Variants in SNX31 observed in about 807,000 individuals in gnomAD.
SNX31 encodes the protein sorting nexin 31, also known as sorting nexin-31.
Under a neutral mutation model 65.4 loss-of-function variants are expected in SNX31, and 58 were observed. That is an observed-to-expected ratio of 0.89 (90% CI 0.72 to 1.10). The LOEUF is 1.10. SNX31 is among the 50% of genes least tolerant of loss of function. The pLI is 0.00. For synonymous variants in SNX31, 181 were observed against 190.1 expected, an observed-to-expected ratio of 0.95 and a Z score of 0.39; for missense variants, 523 against 529.7, an observed-to-expected ratio of 0.99 and a Z score of 0.12.
In SNX31 at chr8:100,573,457, T is replaced by C. The variant is rs1177843798; in HGVS notation, c.*408A>G. 1 of 153,066 alleles carries C rather than the reference T, an allele frequency of 6.5e-6. No individual in the cohort carries two copies. The highest frequency in any genetic ancestry group is 1.5e-5 in the Non-Finnish European group (1 of 68,686). The allele number at this position is 153,066 out of a possible 1,614,324, so 9.5% of individuals were successfully genotyped here. A position where few individuals can be genotyped will look rare whatever the true frequency, so the allele number is the denominator to read the frequency against. ...AAATCGATCCAAAATATCTTTATGATATTTTATGAGACTTTCATTTATGTA... is the reference window on the plus strand; with the variant it reads ...AAATCGATCCAAAATATCTTTATGACATTTTATGAGACTTTCATTTATGTA... On this transcript the variant is annotated 3_prime_UTR_variant, in exon 14 of 14. Transcript: ENST00000311812.
intron 4 of SNX31, among the ~76,000 whole-genome samples, chr8:100,624,401 G>C (rs1817909370): frequency 6.6e-6 from 1 of 152,218 alleles, no homozygotes; most frequent in African/African-American, 2.4e-5. Context: ...GAGGACAGGG[G>C]AGTGTTATAA....
At chr8:100,658,899 T>G (rs1809717249) in intron 1 of SNX31, among the ~76,000 whole-genome samples, 1 of 152,238 alleles carries the variant, frequency 6.6e-6, no homozygotes, top group Non-Finnish European at 1.5e-5. Context: ...GCCCACTGGC[T>G]GCTAGGCTTG....
In SNX31 at chr8:100,663,357, C is replaced by T. The variant is rs1487765499; in HGVS notation, c.-273G>A. The T allele has an allele frequency of 3.9e-5, 6 of 152,184 alleles. No homozygotes were observed. The East Asian group carries it at 7.7e-4, about 20-fold the overall frequency. 9.4% of individuals were successfully genotyped at this position (152,184 alleles called of 1,614,324 possible). On this transcript the variant is annotated 5_prime_UTR_variant, in exon 1 of 6. Transcript: ENST00000520352. ...TAAAAGACAGAAATAGCTCTTTTCT[C>T]GACAGTACAACTGGAAATAACCCAA...
At chr8:100,634,873 T>C (rs532992111) in intron 3 of SNX31, among the ~76,000 whole-genome samples, 72 of 151,688 alleles carry the variant, frequency 4.7e-4, no homozygotes, top group African/African-American at 1.7e-3. Flanking sequence ...CTGGGCAATA[T>C]AGTGAGACCC....
chr8:100,655,119 G>A (rs1322333789), intron 1 of SNX31, among the ~76,000 whole-genome samples: 1 of 152,150 alleles, frequency 6.6e-6, no homozygotes, highest in African/African-American at 2.4e-5. Context: ...CTAAATACCA[G>A]CACCTTGGGG....
upstream of SNX31, among the ~76,000 whole-genome samples, chr8:100,652,026 C>T (rs551855351): frequency 9.2e-5 from 14 of 152,150 alleles, no homozygotes; most frequent in Non-Finnish European, 1.6e-4. Flanking sequence ...TCACCCAGGC[C>T]GGAGTGCAGT....
intron 3 of SNX31, 58 bp downstream of exon 3, chr8:100,635,839 T>C: frequency 8.8e-7 from 1 of 1,139,914 alleles, no homozygotes; most frequent in South Asian, 1.3e-5. Flanking sequence ...GTGAATTTTG[T>C]GGCATATAGC....
upstream of SNX31, among the ~76,000 whole-genome samples, chr8:100,652,635 C>T (rs1819994913): frequency 6.6e-6 from 1 of 152,118 alleles, no homozygotes; most frequent in South Asian, 2.1e-4. Flanking sequence ...CATGTTGCCT[C>T]TCATCTACTT....
intron 11 of SNX31, among the ~76,000 whole-genome samples, chr8:100,585,817 A>G (rs979669418): frequency 2.0e-5 from 3 of 152,230 alleles, no homozygotes; most frequent in African/African-American, 4.8e-5. Context: ...TACAATGTAC[A>G]CAAGTACATA....
rs982604754 is a variant in SNX31 at position 100,613,910 on chromosome 8, A to G, written c.433-825T>C. On this transcript the variant is annotated intron_variant, in intron 5 of 13. Coordinates refer to ENST00000311812, the MANE Select transcript of SNX31 (RefSeq NM_152628.4). This position sits in a 1 kb window ranked among gnomAD's most constrained non-coding sequence, Gnocchi z 5.2. Reference sequence around the variant, plus strand: ...TATACTCCTGGTCTTAACTCACTAAATCACCTCTGTACCACGCAAGGAGAG... The same window carrying G: ...TATACTCCTGGTCTTAACTCACTAAGTCACCTCTGTACCACGCAAGGAGAG... Among the ~76,000 whole-genome samples, 13 of 151,956 alleles carry G rather than the reference A, an allele frequency of 8.6e-5. No individual in the cohort carries two copies. The highest frequency in any genetic ancestry group is 3.1e-4 in the African/African-American group (13 of 41,344).
In SNX31 at chr8:100,617,762, C is replaced by T. The variant is rs759470668; in HGVS notation, c.322-32G>A. 2.6e-6 allele frequency: 4 copies of T among 1,540,268 alleles called. No individual in the cohort carries two copies. In the South Asian group the frequency reaches 3.6e-5, roughly 14 times the overall value. On this transcript the variant is annotated intron_variant, in intron 4 of 13. Transcript: ENST00000311812. ...GCAAAAGAAAAGCAAAATAAATTTC[C>T]ACACCTTTTTTTTTTTTTTGGAGGC...
rs975184119 is a variant in SNX31, at chr8:100,649,472, C to T, written c.43G>A (p.Asp15Asn). ...FCIPVSQQRS[D>N]ALGGRYVLYS... The stretch of plus-strand genomic sequence containing the variant: ...ACCACGTAGCGGCCCCCCAGCGCGT[C>T]GGACCGCTGCTGGGACACCGGGATA... The change falls in exon 1 of 14, where the codon GAC becomes AAC. Residue 15 changes from aspartate to asparagine, a missense_variant. Asp to Asn is a conservative substitution (Grantham distance 23). Coordinates refer to ENST00000311812, the MANE Select transcript of SNX31 (RefSeq NM_152628.4). 2 of 1,580,910 alleles carry T rather than the reference C, an allele frequency of 1.3e-6. No homozygotes were observed. Among genetic ancestry groups the T allele is most frequent in the African/African-American group, 1.3e-5 (1 of 74,488 alleles).
intron 12 of SNX31, among the ~76,000 whole-genome samples, chr8:100,582,118 T>C (rs1465760358): frequency 1.3e-5 from 2 of 152,268 alleles, no homozygotes; most frequent in African/African-American, 4.8e-5. Flanking sequence ...GTGCTGATTT[T>C]GCTAACCTCA....
In SNX31 at chr8:100,612,908, C is replaced by T. The variant is rs1340911348; in HGVS notation, c.523+87G>A. On this transcript the variant is annotated intron_variant, in intron 6 of 13. Transcript: ENST00000311812. The surrounding 1 kb of genome is among the most constrained non-coding windows in gnomAD (Gnocchi z 4.3). ...TAGGGATCACAGCCCAGTGGGTGGC[C>T]AGCCCCTCAGCTGTGACTCCTATGA... 2 of 1,154,128 alleles carry T rather than the reference C, an allele frequency of 1.7e-6. No homozygotes were observed. The highest frequency in any genetic ancestry group is 1.5e-5 in the African/African-American group (1 of 65,690). 71.5% of individuals were successfully genotyped at this position (1,154,128 alleles called of 1,614,324 possible). A position where few individuals can be genotyped will look rare whatever the true frequency, so the allele number is the denominator to read the frequency against.
upstream of SNX31, among the ~76,000 whole-genome samples, chr8:100,654,180 A>T (rs3016891): frequency 0.63 from 95,150 of 151,716 alleles, 32,194 homozygotes; most frequent in African/African-American, 0.89. Flanking sequence ...CTAATTTTTT[A>T]ATTTTTTTGG....
intron 2 of SNX31, among the ~76,000 whole-genome samples, chr8:100,645,002 C>A (rs894840877): frequency 2.6e-5 from 4 of 152,222 alleles, no homozygotes; most frequent in Non-Finnish European, 5.9e-5. Flanking sequence ...CTCCACATAC[C>A]CTGGCTGAGA....
Position 100,635,797 on chromosome 8 carries a change from A to G in SNX31, c.256+100T>C, listed in dbSNP as rs1587041525. Reference sequence around the variant, plus strand: ...AATGGTCGCACAATTAATTACATAAATATATTGTAAAAGAATTGTACACTT... The same window carrying G: ...AATGGTCGCACAATTAATTACATAAGTATATTGTAAAAGAATTGTACACTT... On this transcript the variant is annotated intron_variant, in intron 3 of 13. Transcript: ENST00000311812. 4 of 746,906 alleles carry G rather than the reference A, an allele frequency of 5.4e-6. No homozygotes were observed. In the East Asian group the frequency reaches 1.1e-4, roughly 20 times the overall value. The allele number at this position is 746,906 out of a possible 1,614,324, so 46.3% of individuals were successfully genotyped here.
chr8:100,590,900 G>A (rs980855837), intron 10 of SNX31, among the ~76,000 whole-genome samples: 1 of 152,136 alleles, frequency 6.6e-6, no homozygotes, highest in East Asian at 1.9e-4. Flanking sequence ...CAAATGAAGT[G>A]AGCCCCATAA....
intron 2 of SNX31, among the ~76,000 whole-genome samples, chr8:100,643,915 C>T (rs564802025): frequency 1.1e-4 from 17 of 152,184 alleles, no homozygotes; most frequent in African/African-American, 2.2e-4. Context: ...AAACATGAAG[C>T]GGCACAGCAA....
Sources: gnomAD v4.1 joint callset for allele counts (sites outside exome capture counted in the v4.1 genomes callset) on GRCh38, gnomAD v4.1.1 for gene constraint, Gnocchi (gnomAD v3.1) non-coding constraint, MANE v1.5 for transcripts, NCBI Gene and HGNC (gene_info 2026-07-23, HGNC 2026-07-21) for gene names.